NDST4: variants seen among roughly 807,000 people sequenced by gnomAD.
The protein encoded by NDST4 is N-heparan sulfate sulfotransferase 4.
In NDST4, 63 loss-of-function variants were observed where a neutral mutation model predicts 100.8. That is an observed-to-expected ratio of 0.62 (90% CI 0.51 to 0.77). NDST4 has a LOEUF of 0.77. Ranked by LOEUF, NDST4 falls within the 30% of genes least tolerant of loss-of-function variation. The pLI is 0.00. For missense variants in NDST4, 943 were observed against 1,018.4 expected (o/e 0.93, Z 1.01); for synonymous variants, 377 against 361.8 (o/e 1.04, Z -0.48).
intron 10 of NDST4, among the ~76,000 whole-genome samples, chr4:114,844,097 A>T (rs1723493208): frequency 6.6e-6 from 1 of 152,080 alleles, no homozygotes; most frequent in South Asian, 2.1e-4. Flanking sequence ...TTCTCACCAA[A>T]TTCTGTTGAT....
At chr4:115,025,826 T>C (rs1578464893) in intron 2 of NDST4, among the ~76,000 whole-genome samples, 2 of 152,292 alleles carry the variant, frequency 1.3e-5, no homozygotes, top group East Asian at 3.9e-4. Flanking sequence ...AAGGTACATA[T>C]CTATGCGGTA....
At chr4:114,882,671 GA>G (rs1299020724) in intron 6 of NDST4, among the ~76,000 whole-genome samples, 2 of 151,846 alleles carry the variant, frequency 1.3e-5, no homozygotes, top group Admixed American at 1.3e-4. Flanking sequence ...GCCAGAATAG[GA>G]AAAAAGAGAG....
intron 4 of NDST4, among the ~76,000 whole-genome samples, chr4:114,946,554 G>T (rs913607000): frequency 6.6e-6 from 1 of 152,204 alleles, no homozygotes; most frequent in African/African-American, 2.4e-5. Flanking sequence ...ATTTGAGAAA[G>T]ATTATTCCAG....
chr4:115,020,483 A>G (rs1727785821), intron 2 of NDST4, among the ~76,000 whole-genome samples: 1 of 152,152 alleles, frequency 6.6e-6, no homozygotes, highest in Admixed American at 6.6e-5. Flanking sequence ...ACCCTTTTAG[A>G]TATTGGTTTA....
chr4:114,918,477 G>A (rs920709649), intron 6 of NDST4, among the ~76,000 whole-genome samples: 2 of 151,070 alleles, frequency 1.3e-5, no homozygotes. Context: ...CACCAGCATG[G>A]CACATGTATA....
intron 2 of NDST4, among the ~76,000 whole-genome samples, chr4:115,021,282 TC>T (rs1727810308): frequency 2.0e-5 from 3 of 150,570 alleles, no homozygotes. Context: ...ACATGTGTAT[TC>T]CACATATACA....
chr4:114,892,743 G>T (rs776942770), intron 6 of NDST4, among the ~76,000 whole-genome samples: 1 of 151,656 alleles, frequency 6.6e-6, no homozygotes, highest in Non-Finnish European at 1.5e-5. Flanking sequence ...TTTTTTGTGG[G>T]GGTGGGAGTT....
intron 1 of NDST4, among the ~76,000 whole-genome samples, chr4:115,109,705 T>C (rs1180116061): frequency 2.0e-5 from 3 of 151,924 alleles, no homozygotes; most frequent in Non-Finnish European, 4.4e-5. Flanking sequence ...ACTATTTATT[T>C]AGTGTTAATG....
intron 11 of NDST4, among the ~76,000 whole-genome samples, chr4:114,839,137 A>G (rs1021517039): frequency 1.1e-4 from 17 of 152,298 alleles, no homozygotes; most frequent in Middle Eastern, 6.8e-3. Flanking sequence ...TGTTTTAGAG[A>G]TATTTATAAT....
intron 1 of NDST4, among the ~76,000 whole-genome samples, chr4:115,079,037 T>TA (rs936355698): frequency 1.1e-4 from 17 of 149,402 alleles, no homozygotes; most frequent in African/African-American, 3.4e-4. Flanking sequence ...AACACAGCAT[T>TA]AAAAAAAAAA....
chr4:114,837,579 G>T (rs1019770580), intron 11 of NDST4, among the ~76,000 whole-genome samples: 2 of 152,156 alleles, frequency 1.3e-5, no homozygotes, highest in African/African-American at 4.8e-5. Context: ...AATGAGGAAA[G>T]GATTCCCTAT....
At chr4:114,877,251 C>G (rs1724274762) in intron 6 of NDST4, among the ~76,000 whole-genome samples, 1 of 152,148 alleles carries the variant, frequency 6.6e-6, no homozygotes, top group South Asian at 2.1e-4. Context: ...TTTATAACAA[C>G]CCTATATTGC....
chr4:114,899,672 G>C (rs983331753), intron 6 of NDST4, among the ~76,000 whole-genome samples: 5 of 152,062 alleles, frequency 3.3e-5, no homozygotes. Flanking sequence ...AGCCAGCATT[G>C]CATACTTGAA....
chr4:114,937,651 G>A lies in NDST4; in HGVS notation c.1222-148C>T. On this transcript the variant is annotated intron_variant, in intron 4 of 13. Transcript: ENST00000264363. Reference sequence around the variant, plus strand: ...AGCAAGGTAGAGGTTTTATCTTCGAGCAGCTCATAATCTTATAGAACTCTG... The same window carrying A: ...AGCAAGGTAGAGGTTTTATCTTCGAACAGCTCATAATCTTATAGAACTCTG... 4.9e-6 allele frequency: 3 copies of A among 616,994 alleles called. No individual in the cohort carries two copies. In the East Asian group the frequency reaches 9.2e-5, roughly 19 times the overall value. The allele number at this position is 616,994 out of a possible 1,614,324, so 38.2% of individuals were successfully genotyped here.
intron 4 of NDST4, among the ~76,000 whole-genome samples, chr4:114,948,985 AAAT>A (rs1434341401): frequency 1.3e-5 from 2 of 152,048 alleles, no homozygotes; most frequent in Non-Finnish European, 2.9e-5. Flanking sequence ...TAGAGCAGTT[AAAT>A]AATAATAATA....
chr4:114,852,808 T>G lies in NDST4; in HGVS notation c.1733A>C (p.Asp578Ala), dbSNP rs758855120. ...GGACCAGATGTCTTTGTGTCGTTTATCATCACATGGATTCTGCAAGAAGGA... is the reference window on the plus strand; with the variant it reads ...GGACCAGATGTCTTTGTGTCGTTTAGCATCACATGGATTCTGCAAGAAGGA... ...KDPLWQNPCD[D>A]KRHKDIWSRE... Residue 578 changes from aspartate (D) to alanine (A), a missense_variant, in exon 8 of 14, where the codon GAT (aspartate) becomes GCT (alanine). Asp to Ala is a moderately radical substitution (Grantham distance 126, BLOSUM62 -2). Coordinates refer to ENST00000264363, the MANE Select transcript of NDST4 (RefSeq NM_022569.3). 1 of 1,611,228 alleles carries G rather than the reference T, an allele frequency of 6.2e-7. No homozygotes were observed. The highest frequency in any genetic ancestry group is 8.5e-7 in the Non-Finnish European group (1 of 1,178,130).
rs1189188921 is a variant in NDST4 at position 115,077,272 on chromosome 4, C to G, written c.-236G>C. The G allele has an allele frequency of 6.4e-6, 2 of 312,188 alleles. No individual in the cohort carries two copies. The highest frequency in any genetic ancestry group is 9.5e-4 in the Middle Eastern group (1 of 1,052). The allele number at this position is 312,188 out of a possible 1,614,324, so 19.3% of individuals were successfully genotyped here. On this transcript the variant is annotated 5_prime_UTR_variant, in exon 2 of 14. Coordinates refer to ENST00000264363, the MANE Select transcript of NDST4 (RefSeq NM_022569.3). ...ATACTGAGAATTGCTGCAGAATCCTCTAAGCATAATCTGAAAGAGAGGAGA... is the reference window on the plus strand; with the variant it reads ...ATACTGAGAATTGCTGCAGAATCCTGTAAGCATAATCTGAAAGAGAGGAGA...
chr4:115,004,581 G>C (rs1402859434), intron 2 of NDST4, among the ~76,000 whole-genome samples: 2 of 152,162 alleles, frequency 1.3e-5, no homozygotes, highest in African/African-American at 2.4e-5. Flanking sequence ...AGCTGGCCCT[G>C]AGCATGAGGT....
chr4:114,861,225 C>T (rs1187423847), intron 7 of NDST4, among the ~76,000 whole-genome samples: 1 of 152,158 alleles, frequency 6.6e-6, no homozygotes, highest in Non-Finnish European at 1.5e-5. Flanking sequence ...GGTAGCATAG[C>T]CCAGTCATTA....
Sources: allele counts gnomAD v4.1 joint callset (sites outside exome capture counted in the v4.1 genomes callset), GRCh38; gene constraint gnomAD v4.1.1; transcripts MANE v1.5; gene names NCBI Gene and HGNC (gene_info 2026-07-23, HGNC 2026-07-21).